SV2C: variants seen among roughly 807,000 people sequenced by gnomAD.
The protein encoded by SV2C is synaptic vesicle glycoprotein 2C.
In SV2C, 49 loss-of-function variants were observed where a neutral mutation model predicts 79.7. That is an observed-to-expected ratio of 0.61 (90% CI 0.49 to 0.78). The LOEUF (loss-of-function observed/expected upper bound fraction) is 0.78. Among genes scored for constraint, SV2C ranks in the 30% least tolerant of loss-of-function variants. The pLI, the probability that SV2C is intolerant of heterozygous loss-of-function variation, is 0.00. For synonymous variants in SV2C, 334 were observed against 333.2 expected, an observed-to-expected ratio of 1.00 and a Z score of -0.03; for missense variants, 833 against 912.9, an observed-to-expected ratio of 0.91 and a Z score of 1.13.
At chr5:76,079,475 T>C (rs1219306846), upstream of SV2C, 4 of 283,414 alleles carry the variant, frequency 1.4e-5, no homozygotes, top group South Asian at 9.5e-5. Context: ...AGGGAGAGAA[T>C]TGGATTGTGT....
the SV2C span, among the ~76,000 whole-genome samples, chr5:75,918,801 G>A: frequency 1.3e-5 from 2 of 152,234 alleles, no homozygotes; most frequent in Non-Finnish European, 2.9e-5. Context: ...ACACCACAGA[G>A]TGGATATGCA....
chr5:76,288,511 A>G (rs563019670), intron 6 of SV2C, among the ~76,000 whole-genome samples: 5 of 152,366 alleles, frequency 3.3e-5, no homozygotes, highest in East Asian at 3.9e-4. Context: ...GGCTGGAAGA[A>G]TCTTGAGACA....
At chr5:76,299,588 T>C (rs1024929064) in intron 10 of SV2C, among the ~76,000 whole-genome samples, 1 of 152,256 alleles carries the variant, frequency 6.6e-6, no homozygotes, top group Non-Finnish European at 1.5e-5. Flanking sequence ...CATTGGTCTG[T>C]GTGTCCTATA....
chr5:76,045,780 A>G, the SV2C span, among the ~76,000 whole-genome samples: 33 of 152,270 alleles, frequency 2.2e-4, no homozygotes, highest in South Asian at 4.6e-3. Flanking sequence ...TTACTTCTCA[A>G]TTGACTCTCA....
intron 12 of SV2C, among the ~76,000 whole-genome samples, chr5:76,308,551 T>G (rs1249936230): frequency 1.3e-5 from 2 of 152,198 alleles, no homozygotes; most frequent in Non-Finnish European, 1.5e-5. Context: ...TATCTAAAAG[T>G]TTTCTATCTT....
chr5:75,937,887 T>TTGTG, the SV2C span, among the ~76,000 whole-genome samples: 8 of 151,914 alleles, frequency 5.3e-5, no homozygotes, highest in African/African-American at 1.9e-4. Context: ...CTCTTTTTTT[T>TTGTG]TGCGTTTTCA....
At chr5:76,043,837 A>G in the SV2C span, among the ~76,000 whole-genome samples, 5 of 152,188 alleles carry the variant, frequency 3.3e-5, no homozygotes, top group African/African-American at 1.2e-4. Context: ...TCACTTAGCA[A>G]TGTAACATCA....
the SV2C span, among the ~76,000 whole-genome samples, chr5:76,067,365 TA>T: frequency 4.0e-4 from 61 of 152,208 alleles, 1 homozygote; most frequent in South Asian, 0.012. Flanking sequence ...TTTTTTGACT[TA>T]AAAAAGTCTC....
chr5:76,064,092 AC>A, the SV2C span, among the ~76,000 whole-genome samples: 10 of 152,164 alleles, frequency 6.6e-5, no homozygotes. Flanking sequence ...TAAATATAAG[AC>A]TATCCTCTTA....
At chr5:76,077,476 A>C in the SV2C span, among the ~76,000 whole-genome samples, 601 of 152,334 alleles carry the variant, frequency 3.9e-3, 2 homozygotes, top group Non-Finnish European at 8.0e-3. Flanking sequence ...AAAACATAAA[A>C]TAAGAGGGCG....
At chr5:76,321,171 C>T (rs796778095) in intron 12 of SV2C, among the ~76,000 whole-genome samples, 4 of 152,166 alleles carry the variant, frequency 2.6e-5, no homozygotes, top group African/African-American at 9.6e-5. Context: ...AGGTACAGTA[C>T]AAGTAGCGAT....
chr5:76,009,810 G>A, the SV2C span, among the ~76,000 whole-genome samples: 2 of 152,012 alleles, frequency 1.3e-5, no homozygotes. Flanking sequence ...ACTATGCTCA[G>A]CACCTTGATG....
At chr5:75,946,689 A>G in the SV2C span, among the ~76,000 whole-genome samples, 1 of 152,096 alleles carries the variant, frequency 6.6e-6, no homozygotes, top group Non-Finnish European at 1.5e-5. Flanking sequence ...TACCTATTTT[A>G]TGATTTCATT....
chr5:76,112,775 A>T (rs1748134192), intron 1 of SV2C, among the ~76,000 whole-genome samples: 1 of 152,198 alleles, frequency 6.6e-6, no homozygotes, highest in South Asian at 2.1e-4. Context: ...TGTTTCCCAT[A>T]ATGAATTTTG....
the SV2C span, among the ~76,000 whole-genome samples, chr5:75,893,328 A>G: frequency 6.6e-6 from 1 of 151,854 alleles, no homozygotes; most frequent in Admixed American, 6.6e-5. Flanking sequence ...ATATATGCAA[A>G]TGTACCATCA....
chr5:76,089,088 T>C (rs1747290052), intron 1 of SV2C, among the ~76,000 whole-genome samples: 1 of 152,210 alleles, frequency 6.6e-6, no homozygotes, highest in Admixed American at 6.5e-5. Flanking sequence ...TAGGTAAACA[T>C]GTGCCATGGT....
chr5:76,107,356 C>A (rs1257934292), intron 1 of SV2C, among the ~76,000 whole-genome samples: 4 of 152,214 alleles, frequency 2.6e-5, no homozygotes, highest in Non-Finnish European at 5.9e-5. Context: ...TAATACTTCT[C>A]TGACCTACAA....
rs1358642529 is a variant in SV2C, at chr5:76,327,797, C to T, written c.*2250C>T. 2 of 152,194 alleles carry T rather than the reference C, an allele frequency of 1.3e-5. No individual in the cohort carries two copies. The highest frequency in any genetic ancestry group is 4.8e-5 in the African/African-American group (2 of 41,430). 9.4% of individuals were successfully genotyped at this position (152,194 alleles called of 1,614,324 possible). ...TGCTCTGGGGTCTAAATGCATAAAA[C>T]ATCTCCCAAGCTGCAGAGCACAGTT... is the stretch of plus-strand genomic sequence containing the variant. On this transcript the variant is annotated 3_prime_UTR_variant, in exon 13 of 13. Coordinates refer to ENST00000502798, the MANE Select transcript of SV2C (RefSeq NM_014979.4).
the SV2C span, among the ~76,000 whole-genome samples, chr5:75,996,015 G>A: frequency 3.3e-5 from 5 of 152,162 alleles, no homozygotes; most frequent in Non-Finnish European, 7.3e-5. Flanking sequence ...GAGTCAGGCA[G>A]ATCCTGCAGG....
Sources: allele counts gnomAD v4.1 joint callset (sites outside exome capture counted in the v4.1 genomes callset), GRCh38; gene constraint gnomAD v4.1.1; transcripts MANE v1.5; gene names NCBI Gene and HGNC (gene_info 2026-07-23, HGNC 2026-07-21).